The following EPS15L1 variants were observed in gnomAD, a reference collection of about 807,000 sequenced individuals.
EPS15L1 encodes epidermal growth factor receptor substrate 15-like 1.
EPS15L1 carries 43 observed loss-of-function variants against 117.1 expected under a neutral mutation model. The observed-to-expected ratio is 0.37, with a 90% CI of 0.29 to 0.47. The LOEUF is 0.47. Ranked by LOEUF, EPS15L1 falls within the 20% of genes least tolerant of loss-of-function variation. EPS15L1 has a pLI of 0.99. For synonymous variants in EPS15L1, 459 were observed against 470.5 expected (o/e 0.98, Z 0.32); for missense variants, 981 against 1,164.0 (o/e 0.84, Z 2.29).
chr19:16,387,787 A>AC (rs1299087436), intron 19 of EPS15L1, among the ~76,000 whole-genome samples: 1 of 152,156 alleles, frequency 6.6e-6, no homozygotes, highest in Non-Finnish European at 1.5e-5. Context: ...AAAAAACCCC[A>AC]CTTCATTAGG....
chr19:16,408,343 G>A (rs147490918), intron 13 of EPS15L1, among the ~76,000 whole-genome samples: 220 of 152,224 alleles, frequency 1.4e-3, no homozygotes, highest in African/African-American at 4.9e-3. Flanking sequence ...TTCATATGGG[G>A]CCAGGCACGG....
chr19:16,359,101 G>C (rs997689606), intron 23 of EPS15L1, among the ~76,000 whole-genome samples: 46 of 152,144 alleles, frequency 3.0e-4, no homozygotes, highest in African/African-American at 1.0e-3. Flanking sequence ...GGTGACCTGG[G>C]CCCCCCTGAC....
chr19:16,419,007 G>A (rs1234482081), intron 10 of EPS15L1, among the ~76,000 whole-genome samples: 1 of 152,158 alleles, frequency 6.6e-6, no homozygotes, highest in Non-Finnish European at 1.5e-5. Flanking sequence ...CTGCCACAGG[G>A]GCATGGCCAC....
intron 19 of EPS15L1, among the ~76,000 whole-genome samples, chr19:16,386,437 C>T (rs1358345534): frequency 1.3e-5 from 2 of 152,198 alleles, no homozygotes; most frequent in Non-Finnish European, 2.9e-5. Flanking sequence ...GACGGAATAT[C>T]CCCAAAATTA....
chr19:16,413,649 C>T (rs138356793), intron 13 of EPS15L1, 124 bp downstream of exon 13: 4 of 827,830 alleles, frequency 4.8e-6, no homozygotes, highest in Middle Eastern at 4.7e-4. Flanking sequence ...TCTGCAGCCC[C>T]CAAGAGCTCA....
At chr19:16,360,749 AAAAT>A (rs1170717775) in intron 23 of EPS15L1, among the ~76,000 whole-genome samples, 1 of 152,194 alleles carries the variant, frequency 6.6e-6, no homozygotes, top group African/African-American at 2.4e-5. Flanking sequence ...CCCTGTCACT[AAAAT>A]AAATAAATTG....
chr19:16,384,082 C>G (rs535490204), intron 21 of EPS15L1: 2 of 152,524 alleles, frequency 1.3e-5, no homozygotes, highest in Admixed American at 1.3e-4. Flanking sequence ...GGGCTGTGTT[C>G]TGCTTGTGGC....
chr19:16,429,588 C>A (rs1271185937), intron 7 of EPS15L1, among the ~76,000 whole-genome samples: 2 of 152,232 alleles, frequency 1.3e-5, no homozygotes, highest in African/African-American at 4.8e-5. Flanking sequence ...CAGCCAAGAG[C>A]CTCCAGCTGG....
At position 16,358,985 on chromosome 19, in the gene EPS15L1, G is replaced by A. The variant is rs189805669; in HGVS notation, c.2586+2794C>T. Reference sequence around the variant, plus strand: ...TACCAGAGAGGGAAGAGGTTTCCCGGGAACAGCCACACACGCAAATAACCC... The same window carrying A: ...TACCAGAGAGGGAAGAGGTTTCCCGAGAACAGCCACACACGCAAATAACCC... On this transcript the variant is annotated intron_variant, in intron 23 of 23. Transcript: ENST00000455140. Among the ~76,000 whole-genome samples, 53 of 152,300 alleles carry A rather than the reference G, an allele frequency of 3.5e-4. 1 individual carries two copies. Among genetic ancestry groups the A allele is most frequent in the Admixed American group, 1.2e-3 (19 of 15,296 alleles).
Position 16,355,628 on chromosome 19 carries a change from T to C in EPS15L1, c.*77A>G, listed in dbSNP as rs2091970168. The stretch of plus-strand genomic sequence containing the variant: ...TGGAGTACGGTGGCGACGGTGTGTG[T>C]GTGTATATATAGACATCTGCACTGC... On this transcript the variant is annotated 3_prime_UTR_variant, in exon 24 of 24. Transcript: ENST00000455140. The C allele has an allele frequency of 6.9e-7, 1 of 1,458,164 alleles. No individual in the cohort carries two copies. The allele number at this position is 1,458,164 out of a possible 1,614,324, so 90.3% of individuals were successfully genotyped here. A position where few individuals can be genotyped will look rare whatever the true frequency, so the allele number is the denominator to read the frequency against.
At chr19:16,441,063 G>C in intron 3 of EPS15L1, 154 bp from the exon 4 acceptor site, 3 of 766,486 alleles carry the variant, frequency 3.9e-6, no homozygotes, top group Non-Finnish European at 6.9e-6. Context: ...ATTCAGAGCA[G>C]GTGAATGATC....
At chr19:16,435,427 A>C (rs1311020545) in intron 6 of EPS15L1, 1 of 152,272 alleles carries the variant, frequency 6.6e-6, no homozygotes, top group Admixed American at 6.5e-5. Context: ...AGTGGCTTCC[A>C]GTCTGTTCCA....
intron 6 of EPS15L1, 71 bp from the exon 7 acceptor site, chr19:16,434,561 C>T (rs892460511): frequency 1.3e-6 from 2 of 1,530,922 alleles, no homozygotes; most frequent in Non-Finnish European, 1.8e-6. Flanking sequence ...GAGCTCTGAC[C>T]GAAAGCCAAG....
At chr19:16,461,973 C>T (rs576739714) in intron 1 of EPS15L1, among the ~76,000 whole-genome samples, 2 of 152,318 alleles carry the variant, frequency 1.3e-5, no homozygotes, top group South Asian at 4.1e-4. Flanking sequence ...CTACTATGTG[C>T]CAGGAGCCCA....
At chr19:16,363,612 G>C (rs539801162) in intron 22 of EPS15L1, among the ~76,000 whole-genome samples, 6 of 152,346 alleles carry the variant, frequency 3.9e-5, no homozygotes, top group Non-Finnish European at 8.8e-5. Flanking sequence ...CTCGGCAAGG[G>C]AAAGTGCCTC....
chr19:16,359,430 A>G (rs1298312282), intron 23 of EPS15L1, among the ~76,000 whole-genome samples: 1 of 152,194 alleles, frequency 6.6e-6, no homozygotes, highest in African/African-American at 2.4e-5. Context: ...AGACAATGAT[A>G]CGACCCAAGG....
At chr19:16,452,527 G>A (rs752066506) in intron 1 of EPS15L1, among the ~76,000 whole-genome samples, 1 of 151,224 alleles carries the variant, frequency 6.6e-6, no homozygotes, top group Non-Finnish European at 1.5e-5. Context: ...AGCTAAGGCA[G>A]GAGGATTGCC....
intron 1 of EPS15L1, among the ~76,000 whole-genome samples, chr19:16,446,725 A>G (rs991931978): frequency 1.1e-4 from 16 of 152,330 alleles, no homozygotes; most frequent in African/African-American, 3.6e-4. Flanking sequence ...ACCACAGGAC[A>G]GCCTCATGCA....
At chr19:16,450,339 C>G (rs1599669972) in intron 1 of EPS15L1, among the ~76,000 whole-genome samples, 1 of 151,380 alleles carries the variant, frequency 6.6e-6, no homozygotes, top group South Asian at 2.1e-4. Flanking sequence ...TGTCTAAACT[C>G]TCAGGGGTGG....
Sources: allele counts gnomAD v4.1 joint callset (sites outside exome capture counted in the v4.1 genomes callset), GRCh38; gene constraint gnomAD v4.1.1; transcripts MANE v1.5; gene names NCBI Gene and HGNC (gene_info 2026-07-23, HGNC 2026-07-21).